The following ATP8A1 variants were observed in gnomAD, a reference collection of about 807,000 sequenced individuals.
ATP8A1 encodes ATPase phospholipid transporting 8A1.
A neutral mutation model predicts 177.7 loss-of-function variants in ATP8A1; 90 were observed. The ratio of observed to expected loss-of-function variants is 0.51; its 90% CI spans 0.43 to 0.60. The LOEUF is 0.60. Ranked by LOEUF, ATP8A1 falls within the 20% of genes least tolerant of loss-of-function variation. The pLI is 0.00. For missense variants in ATP8A1, 1,072 were observed against 1,392.8 expected, an observed-to-expected ratio of 0.77 and a Z score of 3.67; for synonymous variants, 493 against 485.9, an observed-to-expected ratio of 1.01 and a Z score of -0.19.
At chr4:42,573,572 A>C (rs1383921392) in intron 14 of ATP8A1, among the ~76,000 whole-genome samples, 1 of 152,236 alleles carries the variant, frequency 6.6e-6, no homozygotes, top group Non-Finnish European at 1.5e-5. Flanking sequence ...TTACAGTGTG[A>C]AAAAGCCACT....
In ATP8A1 at chr4:42,466,141, G is replaced by A. The variant is rs184562755; in HGVS notation, c.2325-1065C>T. On this transcript the variant is annotated intron_variant, in intron 25 of 36. Coordinates refer to ENST00000381668, the MANE Select transcript of ATP8A1 (RefSeq NM_006095.2). Reference sequence around the variant, plus strand: ...TCTACACTGTATTGGAAACTATAGAGAAAGACAGGAAAACTACACAATAAA... The same window carrying A: ...TCTACACTGTATTGGAAACTATAGAAAAAGACAGGAAAACTACACAATAAA... Among the ~76,000 whole-genome samples the A allele has an allele frequency of 1.3e-3, 189 of 150,654 alleles. 1 individual carries two copies. The Middle Eastern group carries it at 0.024, about 20-fold the overall frequency.
intron 15 of ATP8A1, among the ~76,000 whole-genome samples, chr4:42,565,748 A>C (rs1731278824): frequency 1.3e-5 from 2 of 152,378 alleles, no homozygotes; most frequent in Middle Eastern, 3.4e-3. Context: ...GGATCAGTAC[A>C]TCTGTCTGCT....
At chr4:42,652,171 CTTATT>C (rs1741161658) in intron 1 of ATP8A1, among the ~76,000 whole-genome samples, 1 of 152,188 alleles carries the variant, frequency 6.6e-6, no homozygotes, top group African/African-American at 2.4e-5. Flanking sequence ...AGTATCATCT[CTTATT>C]TTATTAGTCC....
At chr4:42,606,973 G>A (rs1020237159) in intron 5 of ATP8A1, among the ~76,000 whole-genome samples, 2 of 152,204 alleles carry the variant, frequency 1.3e-5, no homozygotes, top group African/African-American at 4.8e-5. Flanking sequence ...TTGTCAGTCT[G>A]ATGAGTATTT....
chr4:42,505,986 C>T (rs1355747457), intron 23 of ATP8A1, among the ~76,000 whole-genome samples: 1 of 152,058 alleles, frequency 6.6e-6, no homozygotes, highest in Non-Finnish European at 1.5e-5. Flanking sequence ...AAACAACTTT[C>T]CCTGTGTAAG....
At chr4:42,451,852 G>T in intron 30 of ATP8A1, 129 bp downstream of exon 30, 1 of 556,500 alleles carries the variant, frequency 1.8e-6, no homozygotes, top group Non-Finnish European at 3.0e-6. Flanking sequence ...ATTTTTGGGT[G>T]CATGCATTTT....
At chr4:42,561,216 C>T (rs553585044) in intron 15 of ATP8A1, among the ~76,000 whole-genome samples, 60 of 152,218 alleles carry the variant, frequency 3.9e-4, no homozygotes, top group African/African-American at 1.4e-3. Flanking sequence ...AGGTGGGCCG[C>T]GCACTGGGAC....
rs1024873101 is a variant in ATP8A1 at position 42,471,812 on chromosome 4, G to C, written c.2325-6736C>G. 7 of 520,880 alleles carry C rather than the reference G, an allele frequency of 1.3e-5. 1 individual carries two copies. The highest frequency in any genetic ancestry group is 1.1e-3 in the Middle Eastern group (2 of 1,744). The allele number at this position is 520,880 out of a possible 1,614,324, so 32.3% of individuals were successfully genotyped here. A position where few individuals can be genotyped will look rare whatever the true frequency, so the allele number is the denominator to read the frequency against. ...TGGCGCTTAGCAAGGAGAAGGCCAT[G>C]TTCATTTCAAGCACCAAGACTGTGA... On this transcript the variant is annotated intron_variant, in intron 25 of 36. Transcript: ENST00000381668.
chr4:42,523,664 T>A (rs1057076913), intron 21 of ATP8A1, among the ~76,000 whole-genome samples: 3 of 152,064 alleles, frequency 2.0e-5, no homozygotes, highest in African/African-American at 4.8e-5. Flanking sequence ...AATCTATGAG[T>A]TGAGTATCTT....
chr4:42,597,107 T>C (rs1473433738), intron 6 of ATP8A1, among the ~76,000 whole-genome samples: 2 of 152,176 alleles, frequency 1.3e-5, no homozygotes, highest in Non-Finnish European at 2.9e-5. Context: ...AATGATTAGA[T>C]GCATGCTAGG....
intron 22 of ATP8A1, among the ~76,000 whole-genome samples, chr4:42,508,799 G>A (rs2153194820): frequency 6.6e-6 from 1 of 152,124 alleles, no homozygotes; most frequent in East Asian, 1.9e-4. Context: ...TAAAATATAG[G>A]TGAGGGCAGA....
chr4:42,431,023 T>C (rs756354925), intron 33 of ATP8A1, among the ~76,000 whole-genome samples: 8 of 151,636 alleles, frequency 5.3e-5, no homozygotes, highest in South Asian at 2.1e-4. Context: ...AATAGACTTA[T>C]GTTTGTATGT....
Position 42,586,476 on chromosome 4 carries a change from CCT to C in ATP8A1, c.595-2_595-1del, listed in dbSNP as rs771338989. The C allele has an allele frequency of 6.2e-7, 1 of 1,612,922 alleles. No individual in the cohort carries two copies. ...TTGATATCTGATGTTGCTGGTAAGC[CCT>C]GTTTGGAATTTTTAAATAAGCAAAA... is the stretch of plus-strand genomic sequence containing the variant. On this transcript the variant is annotated splice_acceptor_variant, in intron 8 of 36. Coordinates refer to ENST00000381668, the MANE Select transcript of ATP8A1 (RefSeq NM_006095.2). LOFTEE classifies it high-confidence loss of function.
chr4:42,589,814 T>C lies in ATP8A1; in HGVS notation c.524+997A>G, dbSNP rs550329910. Among the ~76,000 whole-genome samples, 3 of 151,362 alleles carry C rather than the reference T, an allele frequency of 2.0e-5. No homozygotes were observed. In the South Asian group the frequency reaches 6.3e-4, roughly 32 times the overall value. ...AGAAAATACTAAATGACAATGTTGA[T>C]TCCATATTCTGACAATTAGAATAAT... On this transcript the variant is annotated intron_variant, in intron 7 of 36. Transcript: ENST00000381668.
chr4:42,553,034 A>G (rs1396109486), intron 16 of ATP8A1, among the ~76,000 whole-genome samples: 1 of 152,238 alleles, frequency 6.6e-6, no homozygotes, highest in East Asian at 1.9e-4. Flanking sequence ...CCATAAAAAC[A>G]TAGCTGTTAT....
intron 22 of ATP8A1, among the ~76,000 whole-genome samples, chr4:42,513,417 T>C (rs1368775278): frequency 1.3e-5 from 2 of 152,182 alleles, no homozygotes; most frequent in Non-Finnish European, 2.9e-5. Flanking sequence ...AGGAATGAGG[T>C]ATCATCTTAG....
intron 24 of ATP8A1, among the ~76,000 whole-genome samples, chr4:42,488,209 A>T (rs1722388450): frequency 6.6e-6 from 1 of 152,218 alleles, no homozygotes; most frequent in African/African-American, 2.4e-5. Context: ...CAGTTCTGAG[A>T]TGCAACACAG....
At chr4:42,633,281 C>T (rs1738936992) in intron 1 of ATP8A1, among the ~76,000 whole-genome samples, 1 of 152,162 alleles carries the variant, frequency 6.6e-6, no homozygotes, top group South Asian at 2.1e-4. Flanking sequence ...CTTATATGCA[C>T]ACAGTACAAT....
chr4:42,600,244 A>T (rs1382169832), intron 6 of ATP8A1, among the ~76,000 whole-genome samples: 1 of 152,204 alleles, frequency 6.6e-6, no homozygotes, highest in African/African-American at 2.4e-5. Flanking sequence ...AGTACTCAAA[A>T]TATACTATGA....
Sources: gnomAD v4.1 joint callset for allele counts (sites outside exome capture counted in the v4.1 genomes callset) on GRCh38, gnomAD v4.1.1 for gene constraint, MANE v1.5 for transcripts, NCBI Gene and HGNC (gene_info 2026-07-23, HGNC 2026-07-21) for gene names.